CATSPERE: variants seen among roughly 807,000 people sequenced by gnomAD.
The protein encoded by CATSPERE is catsper channel auxiliary subunit epsilon, also known as cation channel sperm-associated auxiliary subunit epsilon.
CATSPERE carries 93 observed loss-of-function variants against 114.1 expected under a neutral mutation model. That is an observed-to-expected ratio of 0.81 (90% CI 0.69 to 0.97). The LOEUF is 0.97. Ranked by LOEUF, CATSPERE falls within the 50% of genes least tolerant of loss-of-function variation. The pLI, the probability that CATSPERE is intolerant of heterozygous loss-of-function variation, is 0.00. For missense variants in CATSPERE, 1,058 were observed against 1,131.6 expected (o/e 0.93, Z 0.93); for synonymous variants, 341 against 384.1 (o/e 0.89, Z 1.31).
intron 20 of CATSPERE, among the ~76,000 whole-genome samples, chr1:244,624,128 A>ATTTTTTTTTTT (rs58744339): frequency 5.6e-5 from 7 of 125,938 alleles, no homozygotes; most frequent in African/African-American, 5.8e-5. Context: ...TGCCCAGCTA[A>ATTTTTTTTTTT]TTTTTTTTTT....
intron 5 of CATSPERE, among the ~76,000 whole-genome samples, chr1:244,488,595 C>T (rs1489434149): frequency 1.3e-5 from 2 of 152,214 alleles, no homozygotes; most frequent in Non-Finnish European, 2.9e-5. Flanking sequence ...TCCTTCTCTA[C>T]AAGGTTACTG....
chr1:244,523,019 A>G (rs944756246), intron 8 of CATSPERE, among the ~76,000 whole-genome samples: 2 of 148,082 alleles, frequency 1.4e-5, no homozygotes, highest in African/African-American at 5.3e-5. Context: ...AAAGCCGGGC[A>G]GAGACACAAC....
chr1:244,483,090 A>G (rs1670502780), intron 5 of CATSPERE, among the ~76,000 whole-genome samples: 1 of 152,204 alleles, frequency 6.6e-6, no homozygotes, highest in Non-Finnish European at 1.5e-5. Context: ...ATTTATTTGC[A>G]ACTACAAATG....
At chr1:244,590,020 A>G (rs537250352) in intron 14 of CATSPERE, among the ~76,000 whole-genome samples, 2 of 152,288 alleles carry the variant, frequency 1.3e-5, no homozygotes, top group African/African-American at 2.4e-5. Context: ...TTGGAGAGCC[A>G]GGGACTTGTC....
intron 20 of CATSPERE, among the ~76,000 whole-genome samples, chr1:244,621,315 AATATATATATATATAT>A (rs201672348): frequency 3.8e-5 from 1 of 26,332 alleles, no homozygotes; most frequent in Non-Finnish European, 6.5e-5. Context: ...AAATATATAA[AATATATATATATATAT>A]ATATATATAT....
intron 11 of CATSPERE, among the ~76,000 whole-genome samples, chr1:244,576,978 G>C (rs969479407): frequency 6.6e-6 from 1 of 151,912 alleles, no homozygotes; most frequent in Admixed American, 6.6e-5. Flanking sequence ...CTTTAAAATA[G>C]GTCCATTTAT....
rs1672305642 is a variant in CATSPERE, at chr1:244,621,276, T to TAG, written c.2648+3590_2648+3591insAG. Among the ~76,000 whole-genome samples the TAG allele has an allele frequency of 1.6e-4, 2 of 12,702 alleles. 1 individual carries two copies. Among genetic ancestry groups the TAG allele is most frequent in the African/African-American group, 2.7e-4 (2 of 7,304 alleles). The allele number at this position is 12,702 out of a possible 152,430, so 8.3% of individuals were successfully genotyped here. A position where few individuals can be genotyped will look rare whatever the true frequency, so the allele number is the denominator to read the frequency against. On this transcript the variant is annotated intron_variant, in intron 20 of 21. Transcript: ENST00000366534. ...ATATAGATATATTTATATAGATATA[T>TAG]CTATATAGATATATCTATATAAATA... is the stretch of plus-strand genomic sequence containing the variant.
rs1671548758 is a variant in CATSPERE at position 244,617,511 on chromosome 1, T to G, written c.2491-18T>G. 6.8e-7 allele frequency: 1 copy of G among 1,478,528 alleles called. No homozygotes were observed. Among genetic ancestry groups the G allele is most frequent in the Non-Finnish European group, 8.9e-7 (1 of 1,119,302 alleles). 91.6% of individuals were successfully genotyped at this position (1,478,528 alleles called of 1,614,324 possible). A position where few individuals can be genotyped will look rare whatever the true frequency, so the allele number is the denominator to read the frequency against. ...TCATAAAATGACCTTAAAATTTTTGTCTTTGTTTCTTGTTCAGAACTATAA... is the reference window on the plus strand; with the variant it reads ...TCATAAAATGACCTTAAAATTTTTGGCTTTGTTTCTTGTTCAGAACTATAA... On this transcript the variant is annotated intron_variant, in intron 19 of 21. Transcript: ENST00000366534.
At chr1:244,598,036 T>C (rs989724943) in intron 17 of CATSPERE, among the ~76,000 whole-genome samples, 4 of 152,278 alleles carry the variant, frequency 2.6e-5, no homozygotes, top group Non-Finnish European at 5.9e-5. Context: ...GAGTCTTGCT[T>C]GGTTCTGAGA....
chr1:244,492,596 G>A (rs1219673253), intron 6 of CATSPERE, among the ~76,000 whole-genome samples: 6 of 151,904 alleles, frequency 3.9e-5, no homozygotes, highest in African/African-American at 7.3e-5. Context: ...TCTGGCCAGG[G>A]CAATTAGGCA....
At position 244,633,617 on chromosome 1, in the gene CATSPERE, A is replaced by AGCACACGCAT. The variant is rs1174163390; in HGVS notation, c.2649-1865_2649-1856dup. On this transcript the variant is annotated intron_variant, in intron 20 of 21. Transcript: ENST00000366534. The surrounding 1 kb of genome is among the most constrained non-coding windows in gnomAD (Gnocchi z 4.1). The stretch of plus-strand genomic sequence containing the variant: ...TCTGGAGGACACATGTGCAGGCATG[A>AGCACACGCAT]GCACACGCATGCACACACACACACA... Among the ~76,000 whole-genome samples, 2 of 152,028 alleles carry AGCACACGCAT rather than the reference A, an allele frequency of 1.3e-5. No individual in the cohort carries two copies. The highest frequency in any genetic ancestry group is 2.4e-5 in the African/African-American group (1 of 41,412).
At chr1:244,462,870 A>G (rs764490464) in intron 1 of CATSPERE, among the ~76,000 whole-genome samples, 2 of 152,210 alleles carry the variant, frequency 1.3e-5, no homozygotes, top group Non-Finnish European at 2.9e-5. Flanking sequence ...AAGGCCTCTG[A>G]TTTAAAGCTT....
rs113648486 is a variant in CATSPERE at position 244,572,386 on chromosome 1, A to G, written c.1564A>G (p.Ile522Val). The G allele has an allele frequency of 1.9e-6, 3 of 1,540,578 alleles. No individual in the cohort carries two copies. The highest frequency in any genetic ancestry group is 2.7e-6 in the Non-Finnish European group (3 of 1,115,642). ...AAATAATGTAATATTTTATTCCAAG[A>G]TTAATACTAGAGATGCAGTAAAGCT... ...MENNVIFYSKINTRDAVKLHL... is the reference protein window; with the variant it reads ...MENNVIFYSKVNTRDAVKLHL... Residue 522 changes from isoleucine to valine, a missense_variant, in exon 11 of 22, where the codon ATT (isoleucine) becomes GTT (valine). Around this residue, in one of 2 missense-constraint regions of CATSPERE, gnomAD observed 787 missense variants for 905.6 expected, o/e 0.87. Transcript: ENST00000366534.
At chr1:244,566,464 T>C (rs1177946654) in intron 10 of CATSPERE, among the ~76,000 whole-genome samples, 1 of 152,030 alleles carries the variant, frequency 6.6e-6, no homozygotes, top group East Asian at 1.9e-4. Context: ...AGTCTAAGTC[T>C]CTTTGTAGGT....
Position 244,621,214 on chromosome 1 carries a change from T to TAAATATATCTATATATTATATATAG in CATSPERE, c.2648+3529_2648+3530insAATATATCTATATATTATATATAGA, listed in dbSNP as rs56940000. ...ATATATTTATATAGATATATTTATA[T>TAAATATATCTATATATTATATATAG]ATATATTTATATAAATATATTTATA... On this transcript the variant is annotated intron_variant, in intron 20 of 21. Coordinates refer to ENST00000366534, the MANE Select transcript of CATSPERE (RefSeq NM_001130957.2). Among the ~76,000 whole-genome samples, 22 of 20,958 alleles carry TAAATATATCTATATATTATATATAG rather than the reference T, an allele frequency of 1.0e-3. 1 individual carries two copies. Among genetic ancestry groups the TAAATATATCTATATATTATATATAG allele is most frequent in the African/African-American group, 1.4e-3 (7 of 5,066 alleles). The allele number at this position is 20,958 out of a possible 152,430, so 13.7% of individuals were successfully genotyped here.
At chr1:244,619,961 T>A (rs539729868) in intron 20 of CATSPERE, among the ~76,000 whole-genome samples, 1 of 152,308 alleles carries the variant, frequency 6.6e-6, no homozygotes, top group South Asian at 2.1e-4. Flanking sequence ...TTTCTCAGAA[T>A]CTGATAGATC....
chr1:244,547,302 C>G (rs1659908219), intron 8 of CATSPERE, among the ~76,000 whole-genome samples: 1 of 152,104 alleles, frequency 6.6e-6, no homozygotes, highest in Admixed American at 6.6e-5. Flanking sequence ...CACCACTAGA[C>G]CTGTCTTACA....
chr1:244,637,274 A>G (rs1451601230), intron 21 of CATSPERE, among the ~76,000 whole-genome samples: 1 of 152,080 alleles, frequency 6.6e-6, no homozygotes, highest in Non-Finnish European at 1.5e-5. Flanking sequence ...TCCTCCCCAC[A>G]GTCTGCTGCA....
At chr1:244,511,134 C>T (rs918556417) in intron 7 of CATSPERE, among the ~76,000 whole-genome samples, 1 of 152,080 alleles carries the variant, frequency 6.6e-6, no homozygotes, top group African/African-American at 2.4e-5. Flanking sequence ...TGAGCCACCG[C>T]GCCTGGCTGA....
Sources: allele counts gnomAD v4.1 joint callset (sites outside exome capture counted in the v4.1 genomes callset), GRCh38; gene constraint gnomAD v4.1.1; regional missense constraint gnomAD v4.1.1; non-coding constraint Gnocchi (gnomAD v3.1); transcripts MANE v1.5; gene names NCBI Gene and HGNC (gene_info 2026-07-23, HGNC 2026-07-21).